The following PLCL2 variants were observed in gnomAD, a reference collection of about 807,000 sequenced individuals.
The protein encoded by PLCL2 is phospholipase C like 2.
A neutral mutation model predicts 79.6 loss-of-function variants in PLCL2; 4 were observed. The ratio of observed to expected loss-of-function variants is 0.05; its 90% confidence interval spans 0.02 to 0.11. The LOEUF (loss-of-function observed/expected upper bound fraction) is 0.11, where lower values mean the gene tolerates loss of function less well. Among genes scored for constraint, PLCL2 ranks in the 10% least tolerant of loss-of-function variants. PLCL2 has a pLI of 1.00. For synonymous variants in PLCL2, 484 were observed against 457.7 expected (o/e 1.06, Z -0.73); for missense variants, 895 against 1,291.0 (o/e 0.69, Z 4.70).
intron 1 of PLCL2, among the ~76,000 whole-genome samples, chr3:16,911,275 T>C (rs1575524742): frequency 6.8e-6 from 1 of 147,716 alleles, no homozygotes; most frequent in East Asian, 2.0e-4. Flanking sequence ...AAAAAAAAAG[T>C]AATGAGCACA....
chr3:16,982,800 G>GA (rs769935137), intron 1 of PLCL2, among the ~76,000 whole-genome samples: 95 of 149,014 alleles, frequency 6.4e-4, no homozygotes, highest in South Asian at 4.3e-4. Context: ...AAAAATAAAG[G>GA]AAAAAAAAAG....
rs548822911 is a variant in PLCL2, at chr3:17,090,089, G to T, written c.*177G>T. On this transcript the variant is annotated 3_prime_UTR_variant, in exon 6 of 6. Coordinates refer to ENST00000615277, the MANE Select transcript of PLCL2 (RefSeq NM_001144382.2). Reference sequence around the variant, plus strand: ...GTATGTAGCAATCCTGCGTGTGAAGGCAAATAAACTCTTTAACAGGCAATT... The same window carrying T: ...GTATGTAGCAATCCTGCGTGTGAAGTCAAATAAACTCTTTAACAGGCAATT... 3 of 1,312,188 alleles carry T rather than the reference G, an allele frequency of 2.3e-6. No homozygotes were observed. The highest frequency in any genetic ancestry group is 3.0e-5 in the African/African-American group (2 of 66,878). The allele number at this position is 1,312,188 out of a possible 1,614,324, so 81.3% of individuals were successfully genotyped here.
chr3:16,890,282 C>G (rs1696315612), intron 1 of PLCL2, among the ~76,000 whole-genome samples: 1 of 152,164 alleles, frequency 6.6e-6, no homozygotes, highest in Admixed American at 6.5e-5. Context: ...TCATCAAATC[C>G]AAATAGGCAA....
intron 1 of PLCL2, among the ~76,000 whole-genome samples, chr3:16,952,600 T>C (rs1428720170): frequency 6.6e-6 from 1 of 151,642 alleles, no homozygotes; most frequent in African/African-American, 2.4e-5. Flanking sequence ...TCCTGGCATC[T>C]TTATTTAATA....
In PLCL2 at chr3:16,957,334, C is replaced by T. The variant is rs1157726695; in HGVS notation, c.328-52340C>T. On this transcript the variant is annotated intron_variant, in intron 1 of 5. Coordinates refer to ENST00000615277, the MANE Select transcript of PLCL2 (RefSeq NM_001144382.2). ...GTTGTTCAGTTTCCATGTAGTTGAG[C>T]GGTTTTGAGTGAGTTTCTTAATCCT... Among the ~76,000 whole-genome samples the T allele has an allele frequency of 6.6e-5, 10 of 152,044 alleles. No homozygotes were observed. The South Asian group carries it at 2.1e-3, about 32-fold the overall frequency.
chr3:16,892,590 T>C (rs1386735009), intron 1 of PLCL2, among the ~76,000 whole-genome samples: 1 of 152,186 alleles, frequency 6.6e-6, no homozygotes, highest in Non-Finnish European at 1.5e-5. Context: ...AATTAATAAT[T>C]AAAAATAAAA....
chr3:17,014,679 A>G (rs779556933), intron 2 of PLCL2, 29 bp from the exon 3 acceptor site: 1 of 1,559,956 alleles, frequency 6.4e-7, no homozygotes, highest in South Asian at 1.1e-5. Context: ...CCAGTTAATT[A>G]CAAATGCTCC....
At chr3:17,063,244 GCCTTCCTCCCTTCCTCCCTTCCTC>G (rs1559536578) in intron 4 of PLCL2, among the ~76,000 whole-genome samples, 1 of 6,428 alleles carries the variant, frequency 1.6e-4, no homozygotes. Flanking sequence ...CTCCCTCCCT[GCCTTCCTCCCTTCCTCCCTTCCTC>G]CCTTCCTCCC....
intron 4 of PLCL2, among the ~76,000 whole-genome samples, chr3:17,059,679 C>T (rs952442536): frequency 4.0e-5 from 6 of 151,888 alleles, no homozygotes; most frequent in Non-Finnish European, 8.8e-5. Flanking sequence ...GCCGTTTGTG[C>T]TGTGTGTGCA....
intron 1 of PLCL2, among the ~76,000 whole-genome samples, chr3:16,951,871 T>TTTTTTTTTTTTTTTTTTTTTTTGA (rs1559496158): frequency 6.6e-6 from 1 of 152,070 alleles, no homozygotes; most frequent in African/African-American, 2.4e-5. Flanking sequence ...GGAATGTTTT[T>TTTTTTTTTTTTTTTTTTTTTTTGA]GAGTGCTACT....
intron 1 of PLCL2, among the ~76,000 whole-genome samples, chr3:16,923,852 A>G (rs903671085): frequency 1.3e-5 from 2 of 152,128 alleles, no homozygotes; most frequent in Admixed American, 6.5e-5. Flanking sequence ...CAAGTGACCT[A>G]TCTTCAAGTT....
chr3:16,961,038 T>A (rs966762724), intron 1 of PLCL2, among the ~76,000 whole-genome samples: 3 of 152,210 alleles, frequency 2.0e-5, no homozygotes, highest in Non-Finnish European at 4.4e-5. Flanking sequence ...CAGGGTCTAG[T>A]GTTTATGGAA....
At chr3:17,051,170 G>C (rs2064834768) in intron 4 of PLCL2, among the ~76,000 whole-genome samples, 1 of 152,154 alleles carries the variant, frequency 6.6e-6, no homozygotes, top group South Asian at 2.1e-4. Context: ...GGTCAGGGCG[G>C]GGGAGGTGGG....
At chr3:17,015,454 A>G (rs2064373428) in intron 3 of PLCL2, among the ~76,000 whole-genome samples, 1 of 152,040 alleles carries the variant, frequency 6.6e-6, no homozygotes, top group South Asian at 2.1e-4. Context: ...AGAATATTAC[A>G]TTTTTCTACT....
At chr3:17,062,314 C>T (rs889344293) in intron 4 of PLCL2, among the ~76,000 whole-genome samples, 2 of 152,204 alleles carry the variant, frequency 1.3e-5, no homozygotes, top group African/African-American at 4.8e-5. Flanking sequence ...TGTCTTTAAA[C>T]ACACTGTATA....
intron 3 of PLCL2, among the ~76,000 whole-genome samples, chr3:17,042,414 A>G (rs2064734327): frequency 6.6e-6 from 1 of 152,222 alleles, no homozygotes; most frequent in Non-Finnish European, 1.5e-5. Context: ...CTATTTTTTA[A>G]TTCTCATTGT....
At chr3:16,932,347 C>T (rs1559489658) in intron 1 of PLCL2, among the ~76,000 whole-genome samples, 1 of 152,166 alleles carries the variant, frequency 6.6e-6, no homozygotes. Context: ...GAATAACATG[C>T]ATATTATTTC....
chr3:17,003,952 G>A (rs943254246), intron 1 of PLCL2, among the ~76,000 whole-genome samples: 10 of 152,134 alleles, frequency 6.6e-5, no homozygotes, highest in Non-Finnish European at 8.8e-5. Context: ...TGGCACTCCC[G>A]GTTACCCTAG....
At chr3:16,952,509 G>A (rs972701026) in intron 1 of PLCL2, among the ~76,000 whole-genome samples, 1 of 151,474 alleles carries the variant, frequency 6.6e-6, no homozygotes, top group African/African-American at 2.4e-5. Flanking sequence ...TAAATGTCTA[G>A]TGGTTAAATA....
Sources: allele counts gnomAD v4.1 joint callset (sites outside exome capture counted in the v4.1 genomes callset), GRCh38; gene constraint gnomAD v4.1.1; transcripts MANE v1.5; gene names NCBI Gene and HGNC (gene_info 2026-07-23, HGNC 2026-07-21).